Variants in CUL1 observed in about 807,000 individuals in gnomAD.
CUL1 encodes the protein cullin-1.
In CUL1, 24 loss-of-function variants were observed where a neutral mutation model predicts 118.0. The ratio of observed to expected loss-of-function variants is 0.20; its 90% CI spans 0.15 to 0.29. CUL1 has a LOEUF of 0.29. Ranked by LOEUF, CUL1 falls within the 10% of genes least tolerant of loss-of-function variation. CUL1 has a pLI of 1.00. For synonymous variants in CUL1, 332 were observed against 340.4 expected, an observed-to-expected ratio of 0.98 and a Z score of 0.27; for missense variants, 361 against 933.8, an observed-to-expected ratio of 0.39 and a Z score of 7.99.
intron 1 of CUL1, among the ~76,000 whole-genome samples, chr7:148,700,426 G>C (rs1797687138): frequency 6.6e-6 from 1 of 152,218 alleles, no homozygotes; most frequent in African/African-American, 2.4e-5. Flanking sequence ...TGAAATCCTG[G>C]AGAGTGTATT....
At chr7:148,704,117 C>T (rs560311384) in intron 1 of CUL1, among the ~76,000 whole-genome samples, 2 of 150,836 alleles carry the variant, frequency 1.3e-5, no homozygotes, top group Non-Finnish European at 3.0e-5. Flanking sequence ...ACTTTCCTTA[C>T]TGTAAAAAGA....
intron 17 of CUL1, among the ~76,000 whole-genome samples, chr7:148,793,610 C>G (rs1584823330): frequency 6.6e-6 from 1 of 152,342 alleles, no homozygotes; most frequent in African/African-American, 2.4e-5. Flanking sequence ...TGCCCATGTT[C>G]TAGCATGTGT....
intron 1 of CUL1, among the ~76,000 whole-genome samples, chr7:148,707,430 ACAAT>A (rs1475077140): frequency 1.3e-5 from 2 of 152,230 alleles, no homozygotes; most frequent in Non-Finnish European, 2.9e-5. Context: ...GGGAGACAAC[ACAAT>A]CAAAGCCTGT....
At chr7:148,750,577 G>C (rs1258067158) in intron 2 of CUL1, among the ~76,000 whole-genome samples, 1 of 151,980 alleles carries the variant, frequency 6.6e-6, no homozygotes, top group Non-Finnish European at 1.5e-5. Context: ...GTGATAGTTT[G>C]CTCAGAATGA....
At chr7:148,766,765 C>T (rs933120220) in intron 8 of CUL1, 42 bp downstream of exon 8, 1 of 1,551,928 alleles carries the variant, frequency 6.4e-7, no homozygotes, top group Non-Finnish European at 8.8e-7. Context: ...TTATAATTAT[C>T]TGTAGTTTTG....
chr7:148,738,606 A>G (rs1401581796), intron 2 of CUL1, among the ~76,000 whole-genome samples: 1 of 152,170 alleles, frequency 6.6e-6, no homozygotes, highest in Non-Finnish European at 1.5e-5. Context: ...CCTTCAGCAA[A>G]GAACCTCAGA....
chr7:148,759,171 T>C lies in CUL1; in HGVS notation c.484-133T>C, dbSNP rs368939151. 3.7e-5 allele frequency: 29 copies of C among 777,730 alleles called. No homozygotes were observed. In the South Asian group the frequency reaches 4.9e-4, roughly 13 times the overall value. The allele number at this position is 777,730 out of a possible 1,614,324, so 48.2% of individuals were successfully genotyped here. A position where few individuals can be genotyped will look rare whatever the true frequency, so the allele number is the denominator to read the frequency against. ...AGAGAGTGGCTTTCTGCTTTTGTCCTGATAGCAGATTTTGACCAACTTGTA... is the reference window on the plus strand; with the variant it reads ...AGAGAGTGGCTTTCTGCTTTTGTCCCGATAGCAGATTTTGACCAACTTGTA... On this transcript the variant is annotated intron_variant, in intron 4 of 21. Transcript: ENST00000325222.
chr7:148,752,044 G>A (rs1000613369), intron 2 of CUL1, among the ~76,000 whole-genome samples: 1 of 152,104 alleles, frequency 6.6e-6, no homozygotes, highest in Non-Finnish European at 1.5e-5. Flanking sequence ...AACCCAGGAG[G>A]TAGAGGTTGT....
chr7:148,705,835 A>G (rs1285217878), intron 1 of CUL1, among the ~76,000 whole-genome samples: 2 of 152,184 alleles, frequency 1.3e-5, no homozygotes, highest in Non-Finnish European at 2.9e-5. Flanking sequence ...TGGAGAAGAA[A>G]AATTCCAGAC....
chr7:148,733,588 C>T (rs1798838723), intron 2 of CUL1, among the ~76,000 whole-genome samples: 1 of 152,188 alleles, frequency 6.6e-6, no homozygotes, highest in African/African-American at 2.4e-5. Context: ...GGCTTGCTCG[C>T]TGTGACATCT....
intron 9 of CUL1, 88 bp from the exon 10 acceptor site, chr7:148,783,695 T>A: frequency 1.3e-6 from 2 of 1,582,082 alleles, no homozygotes; most frequent in Non-Finnish European, 1.7e-6. Context: ...TTAGAATATT[T>A]TGTATGCTAG....
chr7:148,739,902 T>C (rs1799085978), intron 2 of CUL1, among the ~76,000 whole-genome samples: 1 of 152,190 alleles, frequency 6.6e-6, no homozygotes, highest in African/African-American at 2.4e-5. Flanking sequence ...GTATATGGTG[T>C]ACAGTAAGGC....
At chr7:148,772,698 T>C (rs1288401470) in intron 9 of CUL1, among the ~76,000 whole-genome samples, 1 of 152,230 alleles carries the variant, frequency 6.6e-6, no homozygotes, top group Non-Finnish European at 1.5e-5. Context: ...GTGCCTACAT[T>C]GCAGGTTCAT....
chr7:148,699,270 C>T (rs886246941), intron 1 of CUL1, among the ~76,000 whole-genome samples: 6 of 151,716 alleles, frequency 4.0e-5, no homozygotes, highest in African/African-American at 1.5e-4. Context: ...TCACCCCGGA[C>T]GGGCCGGGGC....
At chr7:148,757,477 C>A (rs1403898403) in intron 4 of CUL1, among the ~76,000 whole-genome samples, 6 of 152,190 alleles carry the variant, frequency 3.9e-5, no homozygotes, top group Non-Finnish European at 8.8e-5. Flanking sequence ...CTGGTAGTCC[C>A]AGGCAAATCA....
intron 5 of CUL1, 89 bp downstream of exon 5, chr7:148,759,443 T>G: frequency 6.9e-7 from 1 of 1,458,756 alleles, no homozygotes; most frequent in Non-Finnish European, 9.6e-7. Flanking sequence ...TCCTTCGGAT[T>G]ATCCCATCTT....
chr7:148,788,766 G>A, intron 14 of CUL1, 92 bp downstream of exon 14: 2 of 804,208 alleles, frequency 2.5e-6, no homozygotes, highest in Non-Finnish European at 4.1e-6. Flanking sequence ...AGATGGGAGG[G>A]GCTTTGTCAG....
In CUL1 at chr7:148,730,053, A is replaced by G; in HGVS notation, c.-70A>G. 6.6e-7 allele frequency: 1 copy of G among 1,526,152 alleles called. No individual in the cohort carries two copies. Among genetic ancestry groups the G allele is most frequent in the East Asian group, 2.3e-5 (1 of 43,862 alleles). The allele number at this position is 1,526,152 out of a possible 1,614,324, so 94.5% of individuals were successfully genotyped here. A position where few individuals can be genotyped will look rare whatever the true frequency, so the allele number is the denominator to read the frequency against. ...ATTTGGAATGGTACTGTATATTTTCATCTAATGGAGAACTAGCTGTACTTT... is the reference window on the plus strand; with the variant it reads ...ATTTGGAATGGTACTGTATATTTTCGTCTAATGGAGAACTAGCTGTACTTT... On this transcript the variant is annotated 5_prime_UTR_variant, in exon 2 of 22. Coordinates refer to ENST00000325222, the MANE Select transcript of CUL1 (RefSeq NM_003592.3).
intron 2 of CUL1, among the ~76,000 whole-genome samples, chr7:148,730,646 A>G (rs1347247390): frequency 3.3e-5 from 5 of 152,146 alleles, no homozygotes; most frequent in Admixed American, 2.0e-4. Context: ...TTGTTTATAT[A>G]TTGTCTATGA....
Sources: allele counts gnomAD v4.1 joint callset (sites outside exome capture counted in the v4.1 genomes callset), GRCh38; gene constraint gnomAD v4.1.1; transcripts MANE v1.5; gene names NCBI Gene and HGNC (gene_info 2026-07-23, HGNC 2026-07-21).